The following OOSP4B variants were observed in gnomAD, a reference collection of about 807,000 sequenced individuals.
The protein encoded by OOSP4B is oocyte secreted protein family member 4B.
chr11:60,018,833 A>G (rs1854652787), intron 1 of OOSP4B, among the ~76,000 whole-genome samples: 1 of 152,184 alleles, frequency 6.6e-6, no homozygotes, highest in East Asian at 1.9e-4. Flanking sequence ...AAATTAGGGT[A>G]TGTAGTTAAG....
At chr11:60,024,121 A>G in intron 2 of OOSP4B, 60 bp downstream of exon 2, 5 of 398,198 alleles carry the variant, frequency 1.3e-5, no homozygotes, top group East Asian at 3.6e-5. Flanking sequence ...AGGGCTACAT[A>G]GTATCAAAAG....
At chr11:60,018,026 G>A (rs1854643584) in intron 1 of OOSP4B, among the ~76,000 whole-genome samples, 1 of 152,076 alleles carries the variant, frequency 6.6e-6, no homozygotes, top group African/African-American at 2.4e-5. Flanking sequence ...TTGGCTGCCA[G>A]GAAAAAATTA....
chr11:60,020,435 C>T (rs532264361), intron 1 of OOSP4B, among the ~76,000 whole-genome samples: 7 of 152,208 alleles, frequency 4.6e-5, no homozygotes, highest in South Asian at 4.1e-4. Flanking sequence ...AGCGAGAAGT[C>T]GAGCACAGCA....
exon 5 of OOSP4B, chr11:60,031,010 A>G (rs1202275773): frequency 5.1e-6 from 2 of 390,812 alleles, no homozygotes; most frequent in East Asian, 3.6e-5. Context: ...CATGATATTT[A>G]TACTTTTTAA....
chr11:60,021,051 T>G (rs1854686538), intron 1 of OOSP4B, among the ~76,000 whole-genome samples: 1 of 152,260 alleles, frequency 6.6e-6, no homozygotes, highest in Non-Finnish European at 1.5e-5. Flanking sequence ...ATATAAAAAT[T>G]GAATGAATGG....
At chr11:60,022,663 T>C (rs1854705097) in intron 1 of OOSP4B, among the ~76,000 whole-genome samples, 1 of 152,180 alleles carries the variant, frequency 6.6e-6, no homozygotes, top group Non-Finnish European at 1.5e-5. Context: ...TCTTCTGTGG[T>C]TGGACTAGTC....
At chr11:60,018,880 A>T (rs1403810365) in intron 1 of OOSP4B, among the ~76,000 whole-genome samples, 2 of 152,174 alleles carry the variant, frequency 1.3e-5, no homozygotes, top group African/African-American at 4.8e-5. Context: ...TAGTCACATT[A>T]GACGAATCTA....
chr11:60,019,146 C>A (rs1854658127), intron 1 of OOSP4B, among the ~76,000 whole-genome samples: 1 of 152,036 alleles, frequency 6.6e-6, no homozygotes, highest in South Asian at 2.1e-4. Context: ...TCACTTGAAC[C>A]TGAGAGGCAG....
At chr11:60,021,684 C>T (rs1205994895) in intron 1 of OOSP4B, 1 of 152,156 alleles carries the variant, frequency 6.6e-6, no homozygotes, top group African/African-American at 2.4e-5. Context: ...TTGTTAGACT[C>T]AATAACAAGA....
chr11:60,028,904 C>A (rs1345150861), intron 3 of OOSP4B, among the ~76,000 whole-genome samples: 1 of 152,120 alleles, frequency 6.6e-6, no homozygotes, highest in Non-Finnish European at 1.5e-5. Flanking sequence ...CCTTGGATTT[C>A]TCACTTGGTG....
intron 3 of OOSP4B, among the ~76,000 whole-genome samples, chr11:60,026,644 A>C (rs969806206): frequency 3.3e-5 from 5 of 152,216 alleles, no homozygotes; most frequent in Non-Finnish European, 7.3e-5. Context: ...GAATGACTTG[A>C]AATCAGCTTT....
At chr11:60,021,953 C>A (rs1590592225) in intron 1 of OOSP4B, 1 of 142,278 alleles carries the variant, frequency 7.0e-6, no homozygotes, top group African/African-American at 2.6e-5. Flanking sequence ...CACTGCACTC[C>A]AGCCTGGGTG....
chr11:60,030,344 C>T (rs1017378836), intron 4 of OOSP4B, among the ~76,000 whole-genome samples: 3 of 152,200 alleles, frequency 2.0e-5, no homozygotes, highest in African/African-American at 7.2e-5. Flanking sequence ...GAGGAAGTCA[C>T]TACATCTAAT....
chr11:60,017,272 C>G (rs1854637755), exon 1 of OOSP4B: 1 of 397,848 alleles, frequency 2.5e-6, no homozygotes, highest in Non-Finnish European at 4.4e-6. Context: ...TTTCCCTGGG[C>G]TGCCCCAGCA....
intron 3 of OOSP4B, among the ~76,000 whole-genome samples, chr11:60,027,052 A>G (rs1290355838): frequency 6.6e-6 from 1 of 152,152 alleles, no homozygotes; most frequent in Admixed American, 6.5e-5. Flanking sequence ...ACATAAGTAC[A>G]TTGCATGATT....
At chr11:60,026,418 C>G (rs1854746757) in intron 3 of OOSP4B, among the ~76,000 whole-genome samples, 1 of 152,176 alleles carries the variant, frequency 6.6e-6, no homozygotes, top group Admixed American at 6.5e-5. Context: ...TGCTCTGACT[C>G]TTTCGTTATA....
chr11:60,023,503 C>T lies in OOSP4B; in HGVS notation c.23-377C>T, dbSNP rs553529662. ...AGGCTGGAGTGCAGTGGCATGGTCT[C>T]GACTCACTGCAGCCTCTGCCTCCTG... On this transcript the variant is annotated intron_variant, in intron 1 of 4. Transcript: ENST00000642343. 4.3e-4 allele frequency among the ~76,000 whole-genome samples: 66 copies of T among 152,226 alleles called. 1 individual carries two copies. The highest frequency in any genetic ancestry group is 1.4e-3 in the African/African-American group (59 of 41,554).
At chr11:60,026,600 G>A (rs1854748202) in intron 3 of OOSP4B, among the ~76,000 whole-genome samples, 1 of 152,130 alleles carries the variant, frequency 6.6e-6, no homozygotes. Context: ...TTGAAGGGTG[G>A]AAAAGGTCAG....
intron 2 of OOSP4B, 38 bp downstream of exon 2, chr11:60,024,099 A>AT (rs1210917197): frequency 1.4e-4 from 52 of 377,702 alleles, no homozygotes; most frequent in Middle Eastern, 6.6e-4. Flanking sequence ...ACATATACTG[A>AT]ATTTTTTTTT....
Sources: gnomAD v4.1 joint callset for allele counts (sites outside exome capture counted in the v4.1 genomes callset) on GRCh38, gnomAD v4.1.1 for gene constraint, MANE v1.5 for transcripts, NCBI Gene and HGNC (gene_info 2026-07-23, HGNC 2026-07-21) for gene names.